The following PIAS1 variants were observed in gnomAD, a reference collection of about 807,000 sequenced individuals.
PIAS1 encodes E3 SUMO-protein ligase PIAS1.
A neutral mutation model predicts 71.3 loss-of-function variants in PIAS1; 6 were observed. The ratio of observed to expected loss-of-function variants is 0.08; its 90% CI spans 0.05 to 0.17. The LOEUF is 0.17. PIAS1 is among the 10% of genes least tolerant of loss of function. The pLI is 1.00. For synonymous variants in PIAS1, 303 were observed against 292.9 expected (o/e 1.03, Z -0.35); for missense variants, 555 against 793.6 (o/e 0.70, Z 3.61).
intron 6 of PIAS1, among the ~76,000 whole-genome samples, chr15:68,151,676 A>C (rs544867222): frequency 1.1e-5 from 1 of 94,188 alleles, no homozygotes. Flanking sequence ...AAAAAACAAA[A>C]AAACAAAACA....
At chr15:68,059,255 T>G (rs1296125347) in intron 1 of PIAS1, among the ~76,000 whole-genome samples, 1 of 151,974 alleles carries the variant, frequency 6.6e-6, no homozygotes, top group Non-Finnish European at 1.5e-5. Context: ...GATTTGCCCG[T>G]CTCGGCCTCC....
rs1233803141 is a variant in PIAS1, at chr15:68,186,529, T to C, written c.1663-1013T>C. 2.6e-5 allele frequency among the ~76,000 whole-genome samples: 4 copies of C among 152,154 alleles called. No individual in the cohort carries two copies. Among genetic ancestry groups the C allele is most frequent in the African/African-American group, 9.7e-5 (4 of 41,420 alleles). On this transcript the variant is annotated intron_variant, in intron 13 of 13. Coordinates refer to ENST00000249636, the MANE Select transcript of PIAS1 (RefSeq NM_016166.3). This position sits in a 1 kb window ranked among gnomAD's most constrained non-coding sequence, Gnocchi z 4.4. ...ATTTATTATTGAAGAAAGAAAAATATTTTTAACACATTTAGTGTGGCCATA... is the reference window on the plus strand; with the variant it reads ...ATTTATTATTGAAGAAAGAAAAATACTTTTAACACATTTAGTGTGGCCATA...
chr15:68,112,014 G>GTTTT (rs2092526724), intron 2 of PIAS1, among the ~76,000 whole-genome samples: 1 of 152,066 alleles, frequency 6.6e-6, no homozygotes, highest in Non-Finnish European at 1.5e-5. Context: ...ACTCTTTGGT[G>GTTTT]ATTACTTTGC....
At position 68,110,960 on chromosome 15, in the gene PIAS1, C is replaced by CAGTT. The variant is rs1239547892; in HGVS notation, c.469+24212_469+24215dup. 2.6e-5 allele frequency among the ~76,000 whole-genome samples: 4 copies of CAGTT among 152,158 alleles called. No individual in the cohort carries two copies. In the East Asian group the frequency reaches 5.8e-4, roughly 22 times the overall value. On this transcript the variant is annotated intron_variant, in intron 2 of 13. Transcript: ENST00000249636. The stretch of plus-strand genomic sequence containing the variant: ...TATAGGGTTTAAAACCAGTATCAGA[C>CAGTT]AGTTATGATATGTACTTTCTCTGGT...
At chr15:68,118,370 T>C (rs1450737556) in intron 2 of PIAS1, among the ~76,000 whole-genome samples, 1 of 151,872 alleles carries the variant, frequency 6.6e-6, no homozygotes, top group Non-Finnish European at 1.5e-5. Context: ...ACAGTCTTGC[T>C]CTGTCTCCGA....
chr15:68,168,819 G>A (rs2092972914), intron 8 of PIAS1, among the ~76,000 whole-genome samples: 1 of 152,168 alleles, frequency 6.6e-6, no homozygotes, highest in East Asian at 1.9e-4. Context: ...TACCATTTCT[G>A]TGTCAGCGTT....
At chr15:68,151,820 A>G (rs1362506225) in intron 6 of PIAS1, among the ~76,000 whole-genome samples, 1 of 151,182 alleles carries the variant, frequency 6.6e-6, no homozygotes, top group Non-Finnish European at 1.5e-5. Flanking sequence ...AGATTGCGCC[A>G]CTGCACTCCG....
At chr15:68,184,583 A>AT (rs1305595769) in intron 13 of PIAS1, 3 of 152,278 alleles carry the variant, frequency 2.0e-5, no homozygotes, top group Non-Finnish European at 4.4e-5. Flanking sequence ...AAGAATCATT[A>AT]TTCATTATGT....
At chr15:68,115,138 G>A (rs2092554915) in intron 2 of PIAS1, among the ~76,000 whole-genome samples, 1 of 152,050 alleles carries the variant, frequency 6.6e-6, no homozygotes, top group Admixed American at 6.5e-5. Flanking sequence ...CCTTAATGAA[G>A]GACATCTTGG....
Position 68,193,790 on chromosome 15 carries a change from G to C in PIAS1, c.*5955G>C. On this transcript the variant is annotated 3_prime_UTR_variant, in exon 14 of 14. Coordinates refer to ENST00000249636, the MANE Select transcript of PIAS1 (RefSeq NM_016166.3). Reference sequence around the variant, plus strand: ...GCTCCTTCCATGCTTGAAAGGGCCGGACTCACGGTAGTTAATAAAATCAAT... The same window carrying C: ...GCTCCTTCCATGCTTGAAAGGGCCGCACTCACGGTAGTTAATAAAATCAAT... 2 of 472,220 alleles carry C rather than the reference G, an allele frequency of 4.2e-6. No individual in the cohort carries two copies. The highest frequency in any genetic ancestry group is 7.6e-6 in the Non-Finnish European group (2 of 262,048). 29.3% of individuals were successfully genotyped at this position (472,220 alleles called of 1,614,324 possible).
At position 68,060,439 on chromosome 15, in the gene PIAS1, C is replaced by T. The variant is rs141633810; in HGVS notation, c.24+6089C>T. Reference sequence around the variant, plus strand: ...ACCAGCCTGACCAACATGGTGAAACCCTATCTCTACTAAAAATACAAAAAT... The same window carrying T: ...ACCAGCCTGACCAACATGGTGAAACTCTATCTCTACTAAAAATACAAAAAT... On this transcript the variant is annotated intron_variant, in intron 1 of 13. Coordinates refer to ENST00000249636, the MANE Select transcript of PIAS1 (RefSeq NM_016166.3). Among the ~76,000 whole-genome samples the T allele has an allele frequency of 3.5e-3, 535 of 151,944 alleles. 5 individuals carry two copies. Among genetic ancestry groups the T allele is most frequent in the African/African-American group, 0.012 (498 of 41,420 alleles).
intron 8 of PIAS1, 49 bp downstream of exon 8, chr15:68,164,853 C>T (rs376205918): frequency 2.1e-6 from 2 of 969,454 alleles, no homozygotes; most frequent in Non-Finnish European, 3.1e-6. Flanking sequence ...CATACATTTT[C>T]TCTTTTTATT....
intron 3 of PIAS1, 98 bp downstream of exon 3, chr15:68,142,128 T>A (rs1595761312): frequency 1.1e-6 from 1 of 935,612 alleles, no homozygotes. Flanking sequence ...TTAGTATTTG[T>A]GTGATGCAAA....
chr15:68,135,678 A>C (rs1340801033), intron 2 of PIAS1, among the ~76,000 whole-genome samples: 8 of 57,236 alleles, frequency 1.4e-4, no homozygotes, highest in Admixed American at 1.5e-4. Context: ...GCTGACCCCC[A>C]CCTCCCTCCC....
chr15:68,130,826 C>T (rs181308984), intron 2 of PIAS1, among the ~76,000 whole-genome samples: 1 of 152,146 alleles, frequency 6.6e-6, no homozygotes, highest in Admixed American at 6.5e-5. Context: ...GATATATATC[C>T]TCTATCCAGA....
At chr15:68,081,539 A>G (rs905757575) in intron 1 of PIAS1, among the ~76,000 whole-genome samples, 1 of 152,244 alleles carries the variant, frequency 6.6e-6, no homozygotes. Context: ...AACAACATCA[A>G]CACCCAATTT....
At chr15:68,091,447 C>G (rs1385093831) in intron 2 of PIAS1, among the ~76,000 whole-genome samples, 1 of 152,032 alleles carries the variant, frequency 6.6e-6, no homozygotes, top group East Asian at 1.9e-4. Context: ...ATAAACAAAT[C>G]TATTAATAGA....
At chr15:68,132,194 G>A (rs2092692719) in intron 2 of PIAS1, among the ~76,000 whole-genome samples, 1 of 150,798 alleles carries the variant, frequency 6.6e-6, no homozygotes, top group Admixed American at 6.6e-5. Context: ...AAACTACAGT[G>A]TTGGCCGGGC....
chr15:68,095,158 A>G (rs1038316802), intron 2 of PIAS1, among the ~76,000 whole-genome samples: 1 of 152,222 alleles, frequency 6.6e-6, no homozygotes, highest in Non-Finnish European at 1.5e-5. Context: ...CCAAACACTT[A>G]GGGTCAGAAG....
Sources: gnomAD v4.1 joint callset for allele counts (sites outside exome capture counted in the v4.1 genomes callset) on GRCh38, gnomAD v4.1.1 for gene constraint, Gnocchi (gnomAD v3.1) non-coding constraint, MANE v1.5 for transcripts, NCBI Gene and HGNC (gene_info 2026-07-23, HGNC 2026-07-21) for gene names.